CHST8: variants seen among roughly 807,000 people sequenced by gnomAD.
CHST8 encodes carbohydrate sulfotransferase 8.
A neutral mutation model predicts 15.0 loss-of-function variants in CHST8; 10 were observed. The observed-to-expected ratio is 0.67, with a 90% CI of 0.41 to 1.13. The LOEUF (loss-of-function observed/expected upper bound fraction) is 1.13. Among genes scored for constraint, CHST8 ranks in the 50% most tolerant of loss-of-function variants. CHST8 has a pLI of 0.00. For missense variants in CHST8, 634 were observed against 608.2 expected, an observed-to-expected ratio of 1.04 and a Z score of -0.45; for synonymous variants, 259 against 256.6, an observed-to-expected ratio of 1.01 and a Z score of -0.09.
chr19:33,689,177 T>A lies in CHST8; in HGVS notation c.-85T>A. 2 of 1,444,328 alleles carry A rather than the reference T, an allele frequency of 1.4e-6. No homozygotes were observed. The highest frequency in any genetic ancestry group is 1.8e-6 in the Non-Finnish European group (2 of 1,095,704). 89.5% of individuals were successfully genotyped at this position (1,444,328 alleles called of 1,614,324 possible). A position where few individuals can be genotyped will look rare whatever the true frequency, so the allele number is the denominator to read the frequency against. On this transcript the variant is annotated splice_region_variant and 5_prime_UTR_variant, in exon 3 of 5. Transcript: ENST00000650847. ...GACTATCCCTCCTCTGCCCCGTAGA[T>A]CTCGGCCTGATGGACGCCTGGTGTG... is the stretch of plus-strand genomic sequence containing the variant.
At chr19:33,674,179 T>C (rs1972780375) in intron 2 of CHST8, among the ~76,000 whole-genome samples, 2 of 152,196 alleles carry the variant, frequency 1.3e-5, no homozygotes, top group Admixed American at 6.5e-5. Context: ...ATTCAGCCAC[T>C]TCACCCCAGG....
At chr19:33,689,846 T>C (rs73033152) in intron 3 of CHST8, among the ~76,000 whole-genome samples, 10,499 of 152,138 alleles carry the variant, frequency 0.069, 762 homozygotes, top group African/African-American at 0.19. Flanking sequence ...TCAGGGTACC[T>C]CCTGGTTTAG....
intron 1 of CHST8, among the ~76,000 whole-genome samples, chr19:33,656,600 A>T (rs1972512631): frequency 6.6e-6 from 1 of 152,096 alleles, no homozygotes; most frequent in Non-Finnish European, 1.5e-5. Flanking sequence ...CAGTGGTGCA[A>T]TTATGGCTCA....
intron 3 of CHST8, among the ~76,000 whole-genome samples, chr19:33,770,575 C>G (rs75333450): frequency 0.022 from 3,298 of 152,314 alleles, 97 homozygotes; most frequent in African/African-American, 0.072. Flanking sequence ...GAATATTCTG[C>G]TCTGGCCAAA....
At chr19:33,757,524 GAAAGAAAGAAAGAAAGAAAGAAAGAA>G (rs1974612282) in intron 3 of CHST8, among the ~76,000 whole-genome samples, 5 of 19,256 alleles carry the variant, frequency 2.6e-4, no homozygotes, top group Non-Finnish European at 5.1e-4. Context: ...GAAAGAAAGA[GAAAGAAAGAAAGAAAGAAAGAAAGAA>G]AGAAAGAAAG....
intron 3 of CHST8, among the ~76,000 whole-genome samples, chr19:33,725,639 C>G (rs987067488): frequency 2.0e-5 from 3 of 152,214 alleles, no homozygotes; most frequent in African/African-American, 7.2e-5. Context: ...CTCTCCCACC[C>G]ACTCTGGCCT....
At chr19:33,713,720 C>A (rs1973604368) in intron 3 of CHST8, among the ~76,000 whole-genome samples, 2 of 152,076 alleles carry the variant, frequency 1.3e-5, no homozygotes, top group Non-Finnish European at 2.9e-5. Context: ...GCCACCACGC[C>A]CGGCTAATTT....
At chr19:33,743,671 T>G (rs1020943383) in intron 3 of CHST8, among the ~76,000 whole-genome samples, 1 of 152,178 alleles carries the variant, frequency 6.6e-6, no homozygotes, top group African/African-American at 2.4e-5. Flanking sequence ...CTGAGAGCCA[T>G]CTAGCAGCAT....
At chr19:33,708,460 A>G (rs1346642494) in intron 3 of CHST8, among the ~76,000 whole-genome samples, 2 of 152,244 alleles carry the variant, frequency 1.3e-5, no homozygotes, top group Non-Finnish European at 2.9e-5. Flanking sequence ...CAGTTATCCC[A>G]GTTCCCAGCA....
At position 33,689,302 on chromosome 19, in the gene CHST8, T is replaced by C; in HGVS notation, c.41T>C (p.Phe14Ser). Residue 14 changes from phenylalanine (F) to serine (S), a missense_variant, in exon 3 of 5, where the codon TTC becomes TCC. Phe to Ser is a radical substitution (Grantham distance 155). Coordinates refer to ENST00000650847, the MANE Select transcript of CHST8 (RefSeq NM_001127895.2). Reference protein sequence around the residue: ...RPGTMRLACMFSSILLFGAAG... With the variant: ...RPGTMRLACMSSSILLFGAAG... ...GGAACAATGCGGCTGGCCTGCATGTTCTCTTCCATCCTGCTGTTCGGAGCT... is the reference window on the plus strand; with the variant it reads ...GGAACAATGCGGCTGGCCTGCATGTCCTCTTCCATCCTGCTGTTCGGAGCT... 1 of 1,608,972 alleles carries C rather than the reference T, an allele frequency of 6.2e-7. No individual in the cohort carries two copies. Among genetic ancestry groups the C allele is most frequent in the Non-Finnish European group, 8.5e-7 (1 of 1,178,214 alleles).
intron 3 of CHST8, among the ~76,000 whole-genome samples, chr19:33,734,480 C>A (rs993961408): frequency 6.6e-6 from 1 of 152,156 alleles, no homozygotes; most frequent in Non-Finnish European, 1.5e-5. Flanking sequence ...GGATCGAGAC[C>A]CCTTCCCTAT....
intron 2 of CHST8, among the ~76,000 whole-genome samples, chr19:33,670,288 G>T (rs945157648): frequency 6.6e-6 from 1 of 152,298 alleles, no homozygotes; most frequent in African/African-American, 2.4e-5. Context: ...TGCACACTGG[G>T]TTCTTCTGAT....
intron 3 of CHST8, among the ~76,000 whole-genome samples, chr19:33,762,690 C>G (rs554998628): frequency 2.6e-5 from 4 of 152,218 alleles, no homozygotes; most frequent in Non-Finnish European, 5.9e-5. Context: ...GGCTCTGGCT[C>G]TGCCCCGCTT....
intron 3 of CHST8, among the ~76,000 whole-genome samples, chr19:33,713,327 C>A (rs906296960): frequency 9.2e-5 from 14 of 151,990 alleles, no homozygotes; most frequent in African/African-American, 3.1e-4. Flanking sequence ...CCCTGGTAGG[C>A]CACCATCACC....
intron 1 of CHST8, among the ~76,000 whole-genome samples, chr19:33,625,247 G>A (rs1243284492): frequency 2.7e-5 from 4 of 149,870 alleles, no homozygotes; most frequent in South Asian, 2.1e-4. Context: ...CACCACTCCC[G>A]GCTAATTTTG....
Position 33,646,300 on chromosome 19 carries a change from G to A in CHST8, c.-163-21467G>A, listed in dbSNP as rs181882406. 8.2e-4 allele frequency among the ~76,000 whole-genome samples: 125 copies of A among 152,212 alleles called. 2 individuals carry two copies. Among genetic ancestry groups the A allele is most frequent in the African/African-American group, 2.9e-3 (122 of 41,520 alleles). ...CGGCTGTGTTAGGGATGAAATTATA[G>A]GGGGTAGAAGTTATAGCTTCTTCAT... On this transcript the variant is annotated intron_variant, in intron 1 of 4. Coordinates refer to ENST00000650847, the MANE Select transcript of CHST8 (RefSeq NM_001127895.2).
At chr19:33,699,980 G>A (rs1274276561) in intron 3 of CHST8, among the ~76,000 whole-genome samples, 2 of 152,160 alleles carry the variant, frequency 1.3e-5, no homozygotes, top group South Asian at 2.1e-4. Flanking sequence ...GAAGTGCAGC[G>A]GCCACCCCTA....
chr19:33,702,415 T>C (rs1241051379), intron 3 of CHST8, among the ~76,000 whole-genome samples: 3 of 152,218 alleles, frequency 2.0e-5, no homozygotes, highest in Admixed American at 6.5e-5. Context: ...CTACCATTTT[T>C]CTCAAAGGAC....
At chr19:33,766,893 C>T (rs1259586439) in intron 3 of CHST8, among the ~76,000 whole-genome samples, 1 of 152,232 alleles carries the variant, frequency 6.6e-6, no homozygotes, top group African/African-American at 2.4e-5. Context: ...GGAAACGCGG[C>T]CACACAAACG....
Sources: gnomAD v4.1 joint callset for allele counts (sites outside exome capture counted in the v4.1 genomes callset) on GRCh38, gnomAD v4.1.1 for gene constraint, MANE v1.5 for transcripts, NCBI Gene and HGNC (gene_info 2026-07-23, HGNC 2026-07-21) for gene names.